PCCB: variants seen among roughly 807,000 people sequenced by gnomAD.
PCCB encodes propionyl-CoA carboxylase subunit beta.
In PCCB, 43 loss-of-function variants were observed where a neutral mutation model predicts 60.7. That is an observed-to-expected ratio of 0.71 (90% CI 0.55 to 0.91). The LOEUF is 0.91. Among genes scored for constraint, PCCB ranks in the 40% least tolerant of loss-of-function variants. The pLI, the probability that PCCB is intolerant of heterozygous loss-of-function variation, is 0.00. For missense variants in PCCB, 766 were observed against 702.8 expected (o/e 1.09, Z -1.02); for synonymous variants, 276 against 255.9 (o/e 1.08, Z -0.75).
intron 6 of PCCB, among the ~76,000 whole-genome samples, chr3:136,285,844 C>G (rs1312628260): frequency 6.6e-6 from 1 of 152,208 alleles, no homozygotes; most frequent in Non-Finnish European, 1.5e-5. Flanking sequence ...ATTAGTGAGA[C>G]TTCCTCTCTT....
intron 5 of PCCB, among the ~76,000 whole-genome samples, chr3:136,276,333 A>G (rs1942329887): frequency 6.6e-6 from 1 of 152,192 alleles, no homozygotes; most frequent in Non-Finnish European, 1.5e-5. Context: ...TCCACCCTTG[A>G]TGAAAGTGGC....
chr3:136,253,631 C>T (rs1941586467), intron 1 of PCCB, among the ~76,000 whole-genome samples: 1 of 150,270 alleles, frequency 6.7e-6, no homozygotes. Flanking sequence ...GTGATCCTCC[C>T]ATCTCGGCCT....
At chr3:136,291,369 CTTTG>C (rs1193684760) in intron 6 of PCCB, among the ~76,000 whole-genome samples, 1 of 152,112 alleles carries the variant, frequency 6.6e-6, no homozygotes, top group Admixed American at 6.5e-5. Flanking sequence ...TCTCTTCAAA[CTTTG>C]TTTTTTGTCT....
chr3:136,252,813 T>C (rs949564601), intron 1 of PCCB, among the ~76,000 whole-genome samples: 7 of 151,702 alleles, frequency 4.6e-5, no homozygotes, highest in African/African-American at 1.7e-4. Flanking sequence ...AGTATAAATA[T>C]ATTTTAAAAA....
chr3:136,251,693 A>G (rs996869009), intron 1 of PCCB, among the ~76,000 whole-genome samples: 6 of 152,026 alleles, frequency 3.9e-5, no homozygotes, highest in African/African-American at 7.2e-5. Flanking sequence ...TCCTCTGGAA[A>G]GGCCTGTCAG....
intron 6 of PCCB, among the ~76,000 whole-genome samples, chr3:136,290,813 C>T (rs1187214165): frequency 6.6e-6 from 1 of 151,402 alleles, no homozygotes; most frequent in African/African-American, 2.4e-5. Flanking sequence ...TCTGCTCCTT[C>T]TGGAATTCTC....
Position 136,256,264 on chromosome 3 carries a change from C to T in PCCB, c.303+289C>T, listed in dbSNP as rs951087562. On this transcript the variant is annotated intron_variant, in intron 2 of 14. Coordinates refer to ENST00000251654, the MANE Select transcript of PCCB (RefSeq NM_000532.5). ...TGCCTTGTGTTTCTTTATACGTCCT[C>T]CTTCATGTAAGCATAGAGAAGTGGT... The T allele has an allele frequency of 1.6e-4, 88 of 566,226 alleles. No individual in the cohort carries two copies. The Admixed American group carries it at 2.4e-3, about 15-fold the overall frequency. 35.1% of individuals were successfully genotyped at this position (566,226 alleles called of 1,614,324 possible).
intron 9 of PCCB, among the ~76,000 whole-genome samples, chr3:136,304,957 TG>T (rs1934410221): frequency 8.2e-6 from 1 of 121,982 alleles, no homozygotes; most frequent in Admixed American, 9.8e-5. Flanking sequence ...CCCAAAGTGC[TG>T]GGATTACAGG....
intron 10 of PCCB, among the ~76,000 whole-genome samples, chr3:136,325,974 C>T (rs551201353): frequency 2.2e-4 from 34 of 152,046 alleles, no homozygotes; most frequent in South Asian, 4.2e-4. Flanking sequence ...CCACCACACC[C>T]GGCTAATTTT....
At chr3:136,291,676 C>T (rs1013301763) in intron 6 of PCCB, among the ~76,000 whole-genome samples, 17 of 152,154 alleles carry the variant, frequency 1.1e-4, no homozygotes, top group African/African-American at 3.6e-4. Flanking sequence ...ATTTTTCTTC[C>T]CTCGCGTCAG....
intron 5 of PCCB, among the ~76,000 whole-genome samples, chr3:136,279,847 T>C (rs1387920285): frequency 6.6e-6 from 1 of 152,096 alleles, no homozygotes; most frequent in Non-Finnish European, 1.5e-5. Context: ...TTTGTATTTT[T>C]AGTAGAGACG....
At chr3:136,264,072 A>G (rs1359346878) in intron 5 of PCCB, among the ~76,000 whole-genome samples, 1 of 151,878 alleles carries the variant, frequency 6.6e-6, no homozygotes, top group Non-Finnish European at 1.5e-5. Context: ...GGGAACTCCT[A>G]TATGTCCTTT....
chr3:136,296,196 A>G (rs1233561579), intron 7 of PCCB, among the ~76,000 whole-genome samples: 2 of 152,232 alleles, frequency 1.3e-5, no homozygotes, highest in East Asian at 1.9e-4. Flanking sequence ...TATTACCACA[A>G]TCAATTTCAG....
At position 136,326,273 on chromosome 3, in the gene PCCB, C is replaced by G. The variant is rs16843918; in HGVS notation, c.1091-530C>G. ...TCATAGAATTAAGTTGGAAACTCTT[C>G]TAGGAGGGGAGATTTACTAGTAATT... On this transcript the variant is annotated intron_variant, in intron 10 of 14. Transcript: ENST00000251654. The G allele has an allele frequency of 3.7e-3, 2,592 of 698,290 alleles. 38 individuals are homozygous for G. The African/African-American group carries it at 0.041, about 11-fold the overall frequency. 43.3% of individuals were successfully genotyped at this position (698,290 alleles called of 1,614,324 possible).
At chr3:136,290,671 G>GTTTTGTTTTTTTTTTT (rs1933637324) in intron 6 of PCCB, among the ~76,000 whole-genome samples, 3 of 60,050 alleles carry the variant, frequency 5.0e-5, no homozygotes, top group East Asian at 5.5e-4. Flanking sequence ...TCTCTGTGTA[G>GTTTTGTTTTTTTTTTT]TTTTTTTTTT....
intron 10 of PCCB, among the ~76,000 whole-genome samples, chr3:136,326,088 G>A (rs780984222): frequency 1.9e-4 from 29 of 152,066 alleles, no homozygotes; most frequent in Admixed American, 5.2e-4. Flanking sequence ...CTGGGATTAC[G>A]GTCATGAGCC....
intron 1 of PCCB, chr3:136,252,201 A>AT (rs1171909440): frequency 4.5e-6 from 2 of 448,112 alleles, no homozygotes; most frequent in Non-Finnish European, 9.0e-6. Flanking sequence ...TTTTAAAACA[A>AT]TTTTTGACCA....
intron 9 of PCCB, among the ~76,000 whole-genome samples, chr3:136,302,386 G>C (rs951174206): frequency 1.7e-5 from 2 of 120,844 alleles, no homozygotes; most frequent in African/African-American, 2.5e-5. Context: ...TTGCCTGGGT[G>C]GGGAGACAGA....
At chr3:136,279,405 G>T (rs1395141241) in intron 5 of PCCB, among the ~76,000 whole-genome samples, 4 of 152,052 alleles carry the variant, frequency 2.6e-5, no homozygotes, top group Admixed American at 2.6e-4. Flanking sequence ...TAGTTGAGTT[G>T]TTTGCCTTTT....
Sources: allele counts gnomAD v4.1 joint callset (sites outside exome capture counted in the v4.1 genomes callset), GRCh38; gene constraint gnomAD v4.1.1; transcripts MANE v1.5; gene names NCBI Gene and HGNC (gene_info 2026-07-23, HGNC 2026-07-21).